MTDH: variants seen among roughly 807,000 people sequenced by gnomAD.
MTDH encodes the protein metadherin, also known as protein LYRIC.
MTDH carries 34 observed loss-of-function variants against 72.7 expected under a neutral mutation model. The observed-to-expected ratio is 0.47, with a 90% CI of 0.36 to 0.62. The LOEUF is 0.62. MTDH is among the 20% of genes least tolerant of loss of function. The pLI, the probability that MTDH is intolerant of heterozygous loss-of-function variation, is 0.00. For missense variants in MTDH, 677 were observed against 699.4 expected (o/e 0.97, Z 0.36); for synonymous variants, 266 against 268.9 (o/e 0.99, Z 0.10).
chr8:97,725,512 T>C lies in MTDH; in HGVS notation c.*842T>C, dbSNP rs1232008053. Reference sequence around the variant, plus strand: ...TTTTTCCAGCTTCAACTCTTCTTAGTTACTAATACTTTGTTGACTTTAAAA... The same window carrying C: ...TTTTTCCAGCTTCAACTCTTCTTAGCTACTAATACTTTGTTGACTTTAAAA... On this transcript the variant is annotated 3_prime_UTR_variant, in exon 12 of 12. Transcript: ENST00000336273. 7 of 152,640 alleles carry C rather than the reference T, an allele frequency of 4.6e-5. No homozygotes were observed. Among genetic ancestry groups the C allele is most frequent in the African/African-American group, 1.7e-4 (7 of 41,468 alleles). The allele number at this position is 152,640 out of a possible 1,614,324, so 9.5% of individuals were successfully genotyped here.
chr8:97,671,555 A>G (rs1812624494), intron 2 of MTDH, among the ~76,000 whole-genome samples: 1 of 152,152 alleles, frequency 6.6e-6, no homozygotes, highest in Non-Finnish European at 1.5e-5. Flanking sequence ...TATGATAGAT[A>G]TAACCCACAT....
chr8:97,684,225 T>G (rs112873386), intron 2 of MTDH, among the ~76,000 whole-genome samples: 53 of 152,310 alleles, frequency 3.5e-4, no homozygotes, highest in African/African-American at 1.2e-3. Context: ...TACTTTGTTT[T>G]CTTTTACATA....
chr8:97,689,489 T>C (rs145539467), intron 5 of MTDH, among the ~76,000 whole-genome samples: 1 of 151,942 alleles, frequency 6.6e-6, no homozygotes, highest in Non-Finnish European at 1.5e-5. Context: ...CTTTAGTTCC[T>C]ATAATGTTTT....
intron 6 of MTDH, among the ~76,000 whole-genome samples, chr8:97,697,146 A>ATTTTTTTTTTTTTT (rs1317264159): frequency 1.4e-5 from 1 of 68,970 alleles, no homozygotes; most frequent in African/African-American, 1.4e-4. Flanking sequence ...ATATATATAT[A>ATTTTTTTTTTTTTT]TATATTTTTT....
chr8:97,665,231 C>T (rs1030204796), intron 2 of MTDH, among the ~76,000 whole-genome samples: 2 of 152,072 alleles, frequency 1.3e-5, no homozygotes, highest in African/African-American at 4.8e-5. Context: ...TGCCATATCA[C>T]TTGAGTAAGC....
At chr8:97,685,429 G>GT (rs1396895494) in intron 2 of MTDH, among the ~76,000 whole-genome samples, 1 of 152,054 alleles carries the variant, frequency 6.6e-6, no homozygotes, top group African/African-American at 2.4e-5. Context: ...ATATATGCAG[G>GT]TTTTTTATTG....
chr8:97,645,360 C>T (rs772328818), intron 1 of MTDH, among the ~76,000 whole-genome samples: 6 of 152,168 alleles, frequency 3.9e-5, no homozygotes, highest in Admixed American at 6.5e-5. Context: ...CCTAGAAATT[C>T]TGGGGCTTAC....
At chr8:97,657,425 T>A (rs1812022823) in intron 1 of MTDH, among the ~76,000 whole-genome samples, 1 of 152,182 alleles carries the variant, frequency 6.6e-6, no homozygotes, top group South Asian at 2.1e-4. Flanking sequence ...GAGAGGCCCA[T>A]GTAATTGCTA....
At chr8:97,685,017 G>A (rs557039190) in intron 2 of MTDH, among the ~76,000 whole-genome samples, 12 of 152,210 alleles carry the variant, frequency 7.9e-5, no homozygotes, top group Non-Finnish European at 1.0e-4. Context: ...AGTGAGCTGA[G>A]ATCATGGCAC....
chr8:97,669,211 CG>C (rs764526713), intron 2 of MTDH, among the ~76,000 whole-genome samples: 8 of 152,106 alleles, frequency 5.3e-5, no homozygotes, highest in Non-Finnish European at 8.8e-5. Flanking sequence ...TACAGTGGCA[CG>C]ATCTCCGCTC....
intron 2 of MTDH, among the ~76,000 whole-genome samples, chr8:97,673,396 C>T (rs1345649137): frequency 6.6e-6 from 1 of 152,110 alleles, no homozygotes; most frequent in African/African-American, 2.4e-5. Flanking sequence ...CGGTGGTTCA[C>T]GCCTGTAATC....
Position 97,714,827 on chromosome 8 carries a change from CT to C in MTDH, c.1380+1070del, listed in dbSNP as rs879844579. On this transcript the variant is annotated intron_variant, in intron 9 of 11. Transcript: ENST00000336273. ...CCTACTTATTGTTCTATTTGTTTAT[CT>C]TTTTTTTTTTTATTTGAGACAGAGT... 2.5e-3 allele frequency among the ~76,000 whole-genome samples: 361 copies of C among 145,316 alleles called. 2 individuals are homozygous for C. The highest frequency in any genetic ancestry group is 4.6e-3 in the South Asian group (21 of 4,554).
intron 1 of MTDH, among the ~76,000 whole-genome samples, chr8:97,653,463 G>A (rs535508698): frequency 3.3e-5 from 5 of 152,248 alleles, no homozygotes; most frequent in African/African-American, 1.2e-4. Flanking sequence ...CCTTACAAAA[G>A]CTCCAGAATT....
intron 2 of MTDH, among the ~76,000 whole-genome samples, chr8:97,684,297 C>A (rs762593842): frequency 1.3e-5 from 2 of 151,914 alleles, no homozygotes; most frequent in South Asian, 4.2e-4. Context: ...ATTATAGATA[C>A]GTTGTGTTAA....
At chr8:97,691,309 T>C in intron 6 of MTDH, 121 bp downstream of exon 6, 1 of 660,956 alleles carries the variant, frequency 1.5e-6, no homozygotes, top group Admixed American at 3.2e-5. Context: ...GCAGAAATAA[T>C]AGTAATAATT....
chr8:97,684,689 AAGAC>A (rs1268011660), intron 2 of MTDH, among the ~76,000 whole-genome samples: 2 of 152,238 alleles, frequency 1.3e-5, no homozygotes, highest in Non-Finnish European at 2.9e-5. Flanking sequence ...GGTAAAGACA[AAGAC>A]AGAAAGTAGA....
chr8:97,697,042 T>C (rs1181443989), intron 6 of MTDH, among the ~76,000 whole-genome samples: 1 of 147,088 alleles, frequency 6.8e-6, no homozygotes, highest in African/African-American at 2.5e-5. Context: ...GTCCAGGAGG[T>C]TGAAGCTACA....
intron 10 of MTDH, among the ~76,000 whole-genome samples, chr8:97,720,116 C>G (rs1815051506): frequency 6.6e-6 from 1 of 151,762 alleles, no homozygotes; most frequent in Non-Finnish European, 1.5e-5. Flanking sequence ...GAAACCCTGT[C>G]TCTACTAAAA....
intron 2 of MTDH, among the ~76,000 whole-genome samples, chr8:97,673,425 A>C (rs1812711709): frequency 6.6e-6 from 1 of 152,086 alleles, no homozygotes; most frequent in Non-Finnish European, 1.5e-5. Context: ...TTGGGAGGCC[A>C]AGGTGGGTGG....
Sources: allele counts gnomAD v4.1 joint callset (sites outside exome capture counted in the v4.1 genomes callset), GRCh38; gene constraint gnomAD v4.1.1; transcripts MANE v1.5; gene names NCBI Gene and HGNC (gene_info 2026-07-23, HGNC 2026-07-21).